The following TCF3 variants were observed in gnomAD, a reference collection of about 807,000 sequenced individuals.
TCF3 encodes the protein transcription factor E2-alpha.
In TCF3, 54 loss-of-function variants were observed where a neutral mutation model predicts 72.3. The observed-to-expected ratio is 0.75, with a 90% CI of 0.60 to 0.94. TCF3 has a LOEUF of 0.94. Among genes scored for constraint, TCF3 ranks in the 40% least tolerant of loss-of-function variants. The probability of loss-of-function intolerance (pLI) is 0.00; values close to 1 mark genes in which losing one functional copy is unlikely to be tolerated. For synonymous variants in TCF3, 525 were observed against 412.6 expected, an observed-to-expected ratio of 1.27 and a Z score of -3.30; for missense variants, 1,078 against 934.4, an observed-to-expected ratio of 1.15 and a Z score of -2.00.
At position 1,635,111 on chromosome 19, in the gene TCF3, T is replaced by G. The variant is rs532088993; in HGVS notation, c.146-2706A>C. ...GACACGGGCCCTGAACACAGCCCTG[T>G]GTACCGCCCCTGCCAAACCCTCAGG... On this transcript the variant is annotated intron_variant, in intron 3 of 18. Coordinates refer to ENST00000262965, the MANE Select transcript of TCF3 (RefSeq NM_003200.5). Among the ~76,000 whole-genome samples, 8 of 152,322 alleles carry G rather than the reference T, an allele frequency of 5.3e-5. No homozygotes were observed. The East Asian group carries it at 1.4e-3, about 26-fold the overall frequency.
intron 8 of TCF3, 69 bp from the exon 9 acceptor site, chr19:1,622,484 C>T (rs748177684): frequency 5.9e-5 from 51 of 862,978 alleles, no homozygotes; most frequent in East Asian, 1.5e-4. Context: ...TGCACCTTGC[C>T]GGCCTCCTGT....
chr19:1,645,960 G>GAGCCGGGAT (rs1169005592), intron 3 of TCF3, among the ~76,000 whole-genome samples: 1 of 152,126 alleles, frequency 6.6e-6, no homozygotes, highest in Non-Finnish European at 1.5e-5. Context: ...GATCCAGTGA[G>GAGCCGGGAT]AGCCGGGATC....
chr19:1,644,869 G>A (rs1195311312), intron 3 of TCF3, among the ~76,000 whole-genome samples: 7 of 148,440 alleles, frequency 4.7e-5, no homozygotes, highest in Admixed American at 2.7e-4. Context: ...GGGGGTGGAC[G>A]GCCTTGGGAG....
intron 3 of TCF3, among the ~76,000 whole-genome samples, chr19:1,644,319 C>T (rs1272030215): frequency 6.6e-6 from 1 of 152,198 alleles, no homozygotes; most frequent in East Asian, 1.9e-4. Flanking sequence ...AGGGTGCCAC[C>T]AACTCAGGCC....
At position 1,611,896 on chromosome 19, in the gene TCF3, G is replaced by A. The variant is rs771483246; in HGVS notation, c.1823-47C>T. 3.1e-6 allele frequency: 4 copies of A among 1,280,190 alleles called. 1 individual carries two copies. In the African/African-American group the frequency reaches 6.5e-5, roughly 21 times the overall value. 79.3% of individuals were successfully genotyped at this position (1,280,190 alleles called of 1,614,324 possible). On this transcript the variant is annotated intron_variant, in intron 18 of 18. Transcript: ENST00000262965. ...CTGTGGGAGACGGTCCCAGGGAGGA[G>A]AAAGATGTGAGGTGGGAGTGGGGGG...
chr19:1,627,305 G>T, intron 6 of TCF3, 54 bp downstream of exon 6: 1 of 1,481,988 alleles, frequency 6.7e-7, no homozygotes, highest in Non-Finnish European at 9.2e-7. Flanking sequence ...GAGAGGGTGG[G>T]TGACAGATTT....
rs1395101672 is a variant in TCF3 at position 1,650,196 on chromosome 19, T to C, written c.53A>G (p.Asp18Gly). ...GCTCACCATGCTGAAGTCCAGGAGGTCACTGAGCTCCTTGTCTGTGCCCAC... is the reference window on the plus strand; with the variant it reads ...GCTCACCATGCTGAAGTCCAGGAGGCCACTGAGCTCCTTGTCTGTGCCCAC... Reference protein sequence around the residue: ...APVGTDKELSDLLDFSMMFPL... With the variant: ...APVGTDKELSGLLDFSMMFPL... Residue 18 changes from aspartate (D) to glycine (G), a missense_variant, in exon 2 of 19, where the codon GAC becomes GGC. By Grantham distance (94) the Asp-to-Gly change is moderately conservative. Coordinates refer to ENST00000262965, the MANE Select transcript of TCF3 (RefSeq NM_003200.5). The C allele has an allele frequency of 1.3e-6, 2 of 1,571,752 alleles. No individual in the cohort carries two copies. Among genetic ancestry groups the C allele is most frequent in the Non-Finnish European group, 1.7e-6 (2 of 1,160,090 alleles).
At chr19:1,623,197 C>A (rs1599637217) in intron 8 of TCF3, among the ~76,000 whole-genome samples, 2 of 152,036 alleles carry the variant, frequency 1.3e-5, no homozygotes, top group South Asian at 2.1e-4. Context: ...AGGCACTGGG[C>A]AGAGGGTGGT....
chr19:1,622,033 G>GC (rs1437868438), intron 10 of TCF3, 21 bp downstream of exon 10: 2 of 1,594,202 alleles, frequency 1.3e-6, no homozygotes. Context: ...CCCACCCCCT[G>GC]CCCCCTGCCC....
intron 18 of TCF3, chr19:1,612,549 T>A: frequency 2.0e-6 from 2 of 1,015,758 alleles, no homozygotes; most frequent in Non-Finnish European, 2.9e-6. Flanking sequence ...TGGGCAGCAG[T>A]GTGGGTACAC....
At chr19:1,619,988 C>T in intron 13 of TCF3, 135 bp from the exon 14 acceptor site, 1 of 766,482 alleles carries the variant, frequency 1.3e-6, no homozygotes, top group Non-Finnish European at 2.1e-6. Flanking sequence ...TTCCGGGGCA[C>T]CCCACACTGA....
chr19:1,637,065 G>A (rs1170602698), intron 3 of TCF3, among the ~76,000 whole-genome samples: 2 of 151,924 alleles, frequency 1.3e-5, no homozygotes, highest in East Asian at 1.9e-4. Flanking sequence ...GGGACGCCTC[G>A]CAACCTCCTC....
chr19:1,649,992 G>A (rs537977459), intron 2 of TCF3, among the ~76,000 whole-genome samples, 185 bp downstream of exon 2: 40 of 152,302 alleles, frequency 2.6e-4, no homozygotes, highest in African/African-American at 9.1e-4. Context: ...CATAGCACAC[G>A]TGCTGCCGTG....
Position 1,650,215 on chromosome 19 carries a change from T to C in TCF3, c.34A>G (p.Thr12Ala). ...NQPQRMAPVG[T>A]DKELSDLLDF... The stretch of plus-strand genomic sequence containing the variant: ...AGGAGGTCACTGAGCTCCTTGTCTG[T>C]GCCCACAGGCGCCATCCTCTGCGGC... The change falls in exon 2 of 19, where the codon ACA (threonine) becomes GCA (alanine). Residue 12 changes from threonine (T) to alanine (A), a missense_variant. Physicochemically the swap from Thr to Ala is moderately conservative, Grantham distance 58. Coordinates refer to ENST00000262965, the MANE Select transcript of TCF3 (RefSeq NM_003200.5). 1 of 1,573,370 alleles carries C rather than the reference T, an allele frequency of 6.4e-7. No homozygotes were observed. Among genetic ancestry groups the C allele is most frequent in the Non-Finnish European group, 8.6e-7 (1 of 1,160,838 alleles).
chr19:1,626,660 C>T (rs943467554), intron 6 of TCF3, among the ~76,000 whole-genome samples: 8 of 152,156 alleles, frequency 5.3e-5, no homozygotes, highest in Admixed American at 2.0e-4. Context: ...CGGGCACTTG[C>T]GTATTCCTGT....
intron 7 of TCF3, among the ~76,000 whole-genome samples, chr19:1,624,230 T>C (rs2062608730): frequency 6.6e-6 from 1 of 152,140 alleles, no homozygotes; most frequent in African/African-American, 2.4e-5. Flanking sequence ...ACCCCGTCTC[T>C]ACTGAAAATA....
At chr19:1,619,920 G>T in intron 13 of TCF3, 67 bp from the exon 14 acceptor site, 1 of 1,365,938 alleles carries the variant, frequency 7.3e-7, no homozygotes, top group Non-Finnish European at 1.0e-6. Context: ...GATGCCCATG[G>T]GGAGGGATTC....
At chr19:1,624,403 A>G (rs1295176783) in intron 7 of TCF3, among the ~76,000 whole-genome samples, 2 of 152,236 alleles carry the variant, frequency 1.3e-5, no homozygotes, top group East Asian at 1.9e-4. Context: ...TCAAAACACA[A>G]CAGCAGCAGC....
chr19:1,617,495 C>T (rs766551161), intron 16 of TCF3, among the ~76,000 whole-genome samples: 140 of 152,238 alleles, frequency 9.2e-4, no homozygotes, highest in Non-Finnish European at 1.7e-3. Flanking sequence ...TTCAGCAGGG[C>T]CTGGGCCACC....
Sources: gnomAD v4.1 joint callset for allele counts (sites outside exome capture counted in the v4.1 genomes callset) on GRCh38, gnomAD v4.1.1 for gene constraint, MANE v1.5 for transcripts, NCBI Gene and HGNC (gene_info 2026-07-23, HGNC 2026-07-21) for gene names.